PNMT: variants seen among roughly 807,000 people sequenced by gnomAD.
PNMT encodes phenylethanolamine N-methyltransferase.
A neutral mutation model predicts 18.9 loss-of-function variants in PNMT; 18 were observed. That is an observed-to-expected ratio of 0.95 (90% CI 0.66 to 1.41). The LOEUF (loss-of-function observed/expected upper bound fraction) is 1.41, where lower values mean the gene tolerates loss of function less well. Among genes scored for constraint, PNMT ranks in the 40% most tolerant of loss-of-function variants. The pLI is 0.00. For synonymous variants in PNMT, 167 were observed against 168.6 expected (o/e 0.99, Z 0.08); for missense variants, 378 against 387.0 (o/e 0.98, Z 0.20).
In PNMT at chr17:39,668,695, A is replaced by C. The variant is rs1242714172; in HGVS notation, c.202+18A>C. 1 of 1,557,204 alleles carries C rather than the reference A, an allele frequency of 6.4e-7. No individual in the cohort carries two copies. Among genetic ancestry groups the C allele is most frequent in the Non-Finnish European group, 8.7e-7 (1 of 1,147,402 alleles). ...CGCCACCGGTGAGCGGGGGAAACTG[A>C]GGCACGAGGGACAAGAGGTCGTCGG... On this transcript the variant is annotated intron_variant, in intron 1 of 2. Transcript: ENST00000269582.
chr17:39,670,037 G>T lies in PNMT; in HGVS notation c.497G>T (p.Gly166Val). The T allele has an allele frequency of 6.2e-7, 1 of 1,606,386 alleles. No individual in the cohort carries two copies. The change falls in exon 3 of 3, where the codon GGT (glycine) becomes GTT (valine). Residue 166 changes from glycine to valine, a missense_variant. Gly to Val is a moderately radical substitution (Grantham distance 109, BLOSUM62 -3). Coordinates refer to ENST00000269582, the MANE Select transcript of PNMT (RefSeq NM_002686.4). ...PIDVHQPQPL[G>V]AGSPAPLPAD... ...GACGTGCACCAGCCCCAGCCCCTGGGTGCTGGGAGCCCAGCTCCCCTGCCT... is the reference window on the plus strand; with the variant it reads ...GACGTGCACCAGCCCCAGCCCCTGGTTGCTGGGAGCCCAGCTCCCCTGCCT...
upstream of PNMT, chr17:39,668,415 T>G (rs905360987): frequency 5.4e-6 from 7 of 1,298,528 alleles, no homozygotes; most frequent in Non-Finnish European, 5.9e-6. Flanking sequence ...GGGGCGGGGG[T>G]CGGGCGGTAG....
At chr17:39,668,791 C>A in intron 1 of PNMT, 114 bp downstream of exon 1, 1 of 799,850 alleles carries the variant, frequency 1.3e-6, no homozygotes, top group Non-Finnish European at 1.9e-6. Flanking sequence ...CAGATGGGGA[C>A]CAAGAAACAA....
chr17:39,669,014 C>T (rs2057276604), intron 1 of PNMT, among the ~76,000 whole-genome samples: 1 of 151,976 alleles, frequency 6.6e-6, no homozygotes. Context: ...CCTCGCTGAG[C>T]CTGGCTGGTA....
chr17:39,668,506 G>T lies in PNMT; in HGVS notation c.31G>T (p.Gly11Cys). 6.5e-7 allele frequency: 1 copy of T among 1,528,676 alleles called. No individual in the cohort carries two copies. Among genetic ancestry groups the T allele is most frequent in the Non-Finnish European group, 8.7e-7 (1 of 1,143,498 alleles). The allele number at this position is 1,528,676 out of a possible 1,614,324, so 94.7% of individuals were successfully genotyped here. MSGADRSPNAGAAPDSAPGQA... is the reference protein window; with the variant it reads MSGADRSPNACAAPDSAPGQA... ...CGGCGCAGACCGTAGCCCCAATGCG[G>T]GCGCAGCCCCTGACTCGGCCCCGGG... Residue 11 changes from glycine (G) to cysteine (C), a missense_variant, in exon 1 of 3, where the codon GGC becomes TGC. Physicochemically the swap from Gly to Cys is radical, Grantham distance 159. Coordinates refer to ENST00000269582, the MANE Select transcript of PNMT (RefSeq NM_002686.4).
upstream of PNMT, chr17:39,668,159 T>C (rs1423222381): frequency 2.5e-5 from 5 of 203,572 alleles, no homozygotes; most frequent in Non-Finnish European, 4.0e-5. Context: ...GGTGAGGAAC[T>C]GAGGGTGGGG....
At chr17:39,669,910 C>T (rs771235184) in intron 2 of PNMT, 41 bp from the exon 3 acceptor site, 29 of 1,590,288 alleles carry the variant, frequency 1.8e-5, no homozygotes, top group Non-Finnish European at 2.3e-5. Flanking sequence ...GAGGCCTGAG[C>T]GTAGAACAGC....
upstream of PNMT, chr17:39,668,184 G>A: frequency 2.8e-6 from 1 of 358,256 alleles, no homozygotes; most frequent in Admixed American, 4.9e-5. Flanking sequence ...CCCAGAGGCG[G>A]GACTCGGGGC....
rs2057283315 is a variant in PNMT, at chr17:39,669,819, C to A, written c.393C>A (p.Cys131Ter). Residue 131 changes from cysteine to a stop codon, truncating the protein, a stop_gained, in exon 2 of 3, where the codon TGC becomes TGA. Coordinates refer to ENST00000269582, the MANE Select transcript of PNMT (RefSeq NM_002686.4). LOFTEE classifies it high-confidence loss of function. The part of the protein sequence containing the change: ...FNWSMYSQHA[C>*]LIEGKGECWQ... ...GGAGCATGTACAGCCAACATGCCTG[C>A]CTCATTGAGGGCAAGGGGTAAGGAC... 1.9e-6 allele frequency: 3 copies of A among 1,613,840 alleles called. No individual in the cohort carries two copies. The highest frequency in any genetic ancestry group is 2.5e-6 in the Non-Finnish European group (3 of 1,179,770).
intron 1 of PNMT, among the ~76,000 whole-genome samples, 158 bp from the exon 2 acceptor site, chr17:39,669,471 C>G (rs2057279967): frequency 6.6e-6 from 1 of 152,170 alleles, no homozygotes; most frequent in Non-Finnish European, 1.5e-5. Context: ...TGGGTTCAGT[C>G]TAACTCTGGG....
Position 39,668,683 on chromosome 17 carries a change from C to T in PNMT, c.202+6C>T. ...GGCGCAGACCTTCGCCACCGGTGAG[C>T]GGGGGAAACTGAGGCACGAGGGACA... On this transcript the variant is annotated splice_donor_region_variant and intron_variant, in intron 1 of 2. Transcript: ENST00000269582. 6.4e-7 allele frequency: 1 copy of T among 1,563,722 alleles called. No individual in the cohort carries two copies. Among genetic ancestry groups the T allele is most frequent in the Non-Finnish European group, 8.7e-7 (1 of 1,152,180 alleles).
intron 1 of PNMT, 89 bp downstream of exon 1, chr17:39,668,766 A>T (rs374841344): frequency 9.3e-7 from 1 of 1,072,814 alleles, no homozygotes; most frequent in Admixed American, 2.6e-5. Context: ...AAAGGGAGAC[A>T]GACCAGGCGC....
At chr17:39,669,422 C>G (rs895121117) in intron 1 of PNMT, among the ~76,000 whole-genome samples, 1 of 152,142 alleles carries the variant, frequency 6.6e-6, no homozygotes, top group Non-Finnish European at 1.5e-5. Context: ...AGTCTCAGAG[C>G]GGTGAAGTTC....
Position 39,669,941 on chromosome 17 carries a change from T to C in PNMT, c.411-10T>C. ...ACAGCCTTGAGCCCTGCCTTGTGCC[T>C]CCTGCACAGGGAATGCTGGCAGGAT... On this transcript the variant is annotated splice_polypyrimidine_tract_variant and intron_variant, in intron 2 of 2. Coordinates refer to ENST00000269582, the MANE Select transcript of PNMT (RefSeq NM_002686.4). 3.1e-6 allele frequency: 5 copies of C among 1,597,216 alleles called. No homozygotes were observed. Among genetic ancestry groups the C allele is most frequent in the Non-Finnish European group, 4.3e-6 (5 of 1,171,514 alleles).
intron 1 of PNMT, among the ~76,000 whole-genome samples, chr17:39,669,079 T>A (rs543761595): frequency 2.0e-5 from 3 of 152,286 alleles, no homozygotes; most frequent in East Asian, 3.9e-4. Context: ...TTTACTTATT[T>A]TTATTTTTTA....
chr17:39,668,883 A>AG (rs1442530274), intron 1 of PNMT, among the ~76,000 whole-genome samples: 1 of 147,844 alleles, frequency 6.8e-6, no homozygotes, highest in African/African-American at 2.5e-5. Context: ...AGGTGGAGAG[A>AG]GGGGGCGGAG....
chr17:39,669,639 C>T lies in PNMT; in HGVS notation c.213C>T (p.Ser71=), dbSNP rs367800560. The T allele has an allele frequency of 1.7e-5, 27 of 1,613,756 alleles. No individual in the cohort carries two copies. Among genetic ancestry groups the T allele is most frequent in the African/African-American group, 8.0e-5 (6 of 74,874 alleles). The change falls in exon 2 of 3, where the codon TCC becomes TCT. Residue 71 remains serine, a synonymous_variant. Transcript: ENST00000269582. ...CTCTGCCCTGCCCAGGTGAAGTGTC[C>T]GGACGCACCCTCATCGACATTGGTT... ...LAQTFATGEV[S]GRTLIDIGSG...
chr17:39,668,410 G>T (rs901323293), upstream of PNMT: 1 of 1,288,200 alleles, frequency 7.8e-7, no homozygotes, highest in Non-Finnish European at 1.0e-6. Context: ...CGGTCGGGGC[G>T]GGGGTCGGGC....
Position 39,670,218 on chromosome 17 carries a change from G to A in PNMT, c.678G>A (p.Glu226=), listed in dbSNP as rs143786115. ...AGGAGTCGTGGTACCTGGCTGGGGA[G>A]GCCAGGCTGACGGTGGTGCCAGTGT... ...ALEESWYLAG[E]ARLTVVPVSE... Residue 226 remains glutamate (E), a synonymous_variant, in exon 3 of 3, where the codon GAG becomes GAA. Coordinates refer to ENST00000269582, the MANE Select transcript of PNMT (RefSeq NM_002686.4). 1.2e-6 allele frequency: 2 copies of A among 1,611,346 alleles called. No individual in the cohort carries two copies. The highest frequency in any genetic ancestry group is 8.5e-7 in the Non-Finnish European group (1 of 1,179,458).
Sources: gnomAD v4.1 joint callset for allele counts (sites outside exome capture counted in the v4.1 genomes callset) on GRCh38, gnomAD v4.1.1 for gene constraint, MANE v1.5 for transcripts, NCBI Gene and HGNC (gene_info 2026-07-23, HGNC 2026-07-21) for gene names.